The following PITPNM2 variants were observed in gnomAD, a reference collection of about 807,000 sequenced individuals.
PITPNM2 encodes the protein phosphatidylinositol transfer protein membrane associated 2, also known as membrane-associated phosphatidylinositol transfer protein 2.
A neutral mutation model predicts 132.2 loss-of-function variants in PITPNM2; 35 were observed. That is an observed-to-expected ratio of 0.26 (90% CI 0.20 to 0.35). The LOEUF is 0.35. Ranked by LOEUF, PITPNM2 falls within the 10% of genes least tolerant of loss-of-function variation. The pLI is 1.00. For synonymous variants in PITPNM2, 738 were observed against 799.2 expected (o/e 0.92, Z 1.29); for missense variants, 1,332 against 1,912.0 (o/e 0.70, Z 5.66).
rs937673436 is a variant in PITPNM2, at chr12:122,995,316, C to G, written c.2054+73G>C. 8.6e-6 allele frequency: 13 copies of G among 1,513,448 alleles called. No individual in the cohort carries two copies. The African/African-American group carries it at 1.5e-4, about 18-fold the overall frequency. The allele number at this position is 1,513,448 out of a possible 1,614,324, so 93.8% of individuals were successfully genotyped here. A position where few individuals can be genotyped will look rare whatever the true frequency, so the allele number is the denominator to read the frequency against. On this transcript the variant is annotated intron_variant, in intron 14 of 25. Coordinates refer to ENST00000320201, the MANE Select transcript of PITPNM2 (RefSeq NM_020845.3). ...AGCCCGGGTCTCCTGTTGGCCATCA[C>G]AGGGGATGTTCCTCCCTCTTGGAGC...
chr12:123,080,476 A>G (rs1362726941), intron 2 of PITPNM2, among the ~76,000 whole-genome samples: 1 of 152,234 alleles, frequency 6.6e-6, no homozygotes, highest in Non-Finnish European at 1.5e-5. Context: ...GCAGGCCCAG[A>G]GGCCCCAAAC....
chr12:123,146,404 G>A (rs2137714410), intron 1 of PITPNM2, among the ~76,000 whole-genome samples: 1 of 152,124 alleles, frequency 6.6e-6, no homozygotes. Context: ...AGACCAGCCT[G>A]GCCAACATGG....
chr12:123,066,156 T>C (rs1443546015), intron 2 of PITPNM2, among the ~76,000 whole-genome samples: 1 of 152,110 alleles, frequency 6.6e-6, no homozygotes, highest in African/African-American at 2.4e-5. Flanking sequence ...TGTGTTGAAA[T>C]GGCCACTCCA....
At position 123,005,124 on chromosome 12, in the gene PITPNM2, G is replaced by C. The variant is rs561439199; in HGVS notation, c.952+116C>G. On this transcript the variant is annotated intron_variant, in intron 7 of 25. Coordinates refer to ENST00000320201, the MANE Select transcript of PITPNM2 (RefSeq NM_020845.3). The surrounding 1 kb of genome is among the most constrained non-coding windows in gnomAD (Gnocchi z 6.2). ...CAGGGCTCTGACTCCCTCTGGGCTTGGTGCCTCAATGTCCATGGGAAAGAA... is the reference window on the plus strand; with the variant it reads ...CAGGGCTCTGACTCCCTCTGGGCTTCGTGCCTCAATGTCCATGGGAAAGAA... 9.4e-6 allele frequency: 12 copies of C among 1,280,020 alleles called. No individual in the cohort carries two copies. The East Asian group carries it at 2.6e-4, about 27-fold the overall frequency. 79.3% of individuals were successfully genotyped at this position (1,280,020 alleles called of 1,614,324 possible).
At chr12:123,053,873 T>G (rs962655813) in intron 2 of PITPNM2, among the ~76,000 whole-genome samples, 2 of 152,182 alleles carry the variant, frequency 1.3e-5, no homozygotes, top group African/African-American at 4.8e-5. Flanking sequence ...AACTACAATA[T>G]TACTATCAGG....
In PITPNM2 at chr12:123,009,718, C is replaced by T; in HGVS notation, c.643+132G>A. ...GGAAGCTGGACATGGGCTTTGGTGT[C>T]ACCTTCCCAGAACAAAACAGAAACG... On this transcript the variant is annotated intron_variant, in intron 6 of 25. Transcript: ENST00000320201. This position sits in a 1 kb window ranked among gnomAD's most constrained non-coding sequence, Gnocchi z 4.8. 1 of 864,382 alleles carries T rather than the reference C, an allele frequency of 1.2e-6. No homozygotes were observed. The highest frequency in any genetic ancestry group is 1.8e-6 in the Non-Finnish European group (1 of 542,420). The allele number at this position is 864,382 out of a possible 1,614,324, so 53.5% of individuals were successfully genotyped here.
At chr12:123,061,083 T>C (rs1463013367) in intron 2 of PITPNM2, among the ~76,000 whole-genome samples, 2 of 152,144 alleles carry the variant, frequency 1.3e-5, no homozygotes, top group Non-Finnish European at 2.9e-5. Flanking sequence ...CATGCATCCA[T>C]CCACCCATGC....
chr12:122,986,919 G>T (rs1479084218), intron 23 of PITPNM2, 90 bp from the exon 24 acceptor site: 8 of 1,408,546 alleles, frequency 5.7e-6, no homozygotes, highest in Non-Finnish European at 7.6e-6. Context: ...TGGGCCATTG[G>T]AAAGCACATC....
Position 122,992,991 on chromosome 12 carries a change from TTTTTA to T in PITPNM2, c.2234-327_2234-323del. On this transcript the variant is annotated intron_variant, in intron 15 of 25. Coordinates refer to ENST00000320201, the MANE Select transcript of PITPNM2 (RefSeq NM_020845.3). The surrounding 1 kb of genome is among the most constrained non-coding windows in gnomAD (Gnocchi z 6.5). ...CAGGTGTGCACCACCACACCTGGCT[TTTTTA>T]TTTTATTTTTTGTAGAGATGGGGTC... Among the ~76,000 whole-genome samples the T allele has an allele frequency of 2.0e-5, 3 of 151,906 alleles. No homozygotes were observed. In the South Asian group the frequency reaches 6.2e-4, roughly 32 times the overall value.
chr12:122,986,977 G>T, intron 23 of PITPNM2, 148 bp from the exon 24 acceptor site: 1 of 1,137,506 alleles, frequency 8.8e-7, no homozygotes, highest in Non-Finnish European at 1.2e-6. Flanking sequence ...ACAATGACGT[G>T]CTGCAGCAGG....
At chr12:123,069,512 G>A (rs567404702) in intron 2 of PITPNM2, among the ~76,000 whole-genome samples, 15 of 152,254 alleles carry the variant, frequency 9.9e-5, no homozygotes, top group African/African-American at 2.9e-4. Context: ...GCTTGCTGGG[G>A]TCCCTATAGG....
rs1055306564 is a variant in PITPNM2, at chr12:123,004,252, G to A, written c.1048+142C>T. 4.1e-6 allele frequency: 3 copies of A among 736,464 alleles called. No individual in the cohort carries two copies. In the African/African-American group the frequency reaches 5.2e-5, roughly 13 times the overall value. The allele number at this position is 736,464 out of a possible 1,614,324, so 45.6% of individuals were successfully genotyped here. A position where few individuals can be genotyped will look rare whatever the true frequency, so the allele number is the denominator to read the frequency against. On this transcript the variant is annotated intron_variant, in intron 8 of 25. Transcript: ENST00000320201. The surrounding 1 kb of genome is among the most constrained non-coding windows in gnomAD (Gnocchi z 4.9). ...CCCCAAACACCAGGCTGTCCACCTG[G>A]GACAGTGCAGGTATAGGGACTGGAT...
In PITPNM2 at chr12:123,050,567, A is replaced by T. The variant is rs537400291; in HGVS notation, c.-95-15882T>A. Among the ~76,000 whole-genome samples, 6 of 152,306 alleles carry T rather than the reference A, an allele frequency of 3.9e-5. No individual in the cohort carries two copies. In the South Asian group the frequency reaches 1.2e-3, roughly 32 times the overall value. ...GGTCCAAATGCTTAACTCAGAAGGG[A>T]GCAAGCAGGCAGAGCCAGAGGACCT... On this transcript the variant is annotated intron_variant, in intron 2 of 25. Transcript: ENST00000320201.
In PITPNM2 at chr12:122,992,729, T is replaced by A. The variant is rs747663385; in HGVS notation, c.2234-60A>T. ...TGGCCCTGAGGAGCAGTGGTGGGGG[T>A]GGGAAATTTGGGAACTGGGCACTGG... On this transcript the variant is annotated intron_variant, in intron 15 of 25. Coordinates refer to ENST00000320201, the MANE Select transcript of PITPNM2 (RefSeq NM_020845.3). This position sits in a 1 kb window ranked among gnomAD's most constrained non-coding sequence, Gnocchi z 6.5. 1 of 1,156,236 alleles carries A rather than the reference T, an allele frequency of 8.6e-7. No individual in the cohort carries two copies. The highest frequency in any genetic ancestry group is 1.2e-6 in the Non-Finnish European group (1 of 823,254). The allele number at this position is 1,156,236 out of a possible 1,614,324, so 71.6% of individuals were successfully genotyped here.
rs1268716296 is a variant in PITPNM2, at chr12:123,151,049, C to G, written c.-496G>C. Among the ~76,000 whole-genome samples, 1 of 145,872 alleles carries G rather than the reference C, an allele frequency of 6.9e-6. No homozygotes were observed. The highest frequency in any genetic ancestry group is 2.5e-5 in the African/African-American group (1 of 40,780). On this transcript the variant is annotated 5_prime_UTR_variant, in exon 1 of 26. Coordinates refer to ENST00000320201, the MANE Select transcript of PITPNM2 (RefSeq NM_020845.3). The stretch of plus-strand genomic sequence containing the variant: ...CCGGGGCCGGCTGGACAGCTCTACG[C>G]CGCGGCGCCGCGGTGCCCCGCGCAC...
intron 2 of PITPNM2, among the ~76,000 whole-genome samples, chr12:123,093,850 T>C (rs978044725): frequency 1.3e-5 from 2 of 152,228 alleles, no homozygotes; most frequent in Admixed American, 6.5e-5. Flanking sequence ...CTGGAGTCTA[T>C]GGAAGGACAC....
chr12:122,991,332 G>A (rs1379948682), intron 16 of PITPNM2, among the ~76,000 whole-genome samples: 2 of 152,204 alleles, frequency 1.3e-5, no homozygotes, highest in Non-Finnish European at 2.9e-5. Flanking sequence ...ACACCTGGAC[G>A]GGGTACAGGA....
At chr12:123,134,478 C>T (rs367711823) in intron 1 of PITPNM2, among the ~76,000 whole-genome samples, 111 of 152,234 alleles carry the variant, frequency 7.3e-4, no homozygotes, top group African/African-American at 2.5e-3. Flanking sequence ...GACAAATGGG[C>T]TTCGCATGAG....
At chr12:123,141,481 T>TC (rs1266952856) in intron 1 of PITPNM2, among the ~76,000 whole-genome samples, 2 of 151,540 alleles carry the variant, frequency 1.3e-5, no homozygotes, top group African/African-American at 4.9e-5. Context: ...ATAGCTAAGA[T>TC]CCCCCCAGCC....
Sources: gnomAD v4.1 joint callset for allele counts (sites outside exome capture counted in the v4.1 genomes callset) on GRCh38, gnomAD v4.1.1 for gene constraint, Gnocchi (gnomAD v3.1) non-coding constraint, MANE v1.5 for transcripts, NCBI Gene and HGNC (gene_info 2026-07-23, HGNC 2026-07-21) for gene names.